TIMP1: variants seen among roughly 807,000 people sequenced by gnomAD.
The protein encoded by TIMP1 is metalloproteinase inhibitor 1.
A neutral mutation model predicts 13.7 loss-of-function variants in TIMP1; 5 were observed. The ratio of observed to expected loss-of-function variants is 0.36; its 90% CI spans 0.19 to 0.76. The LOEUF (loss-of-function observed/expected upper bound fraction) is 0.76. Ranked by LOEUF, TIMP1 falls within the 30% of genes least tolerant of loss-of-function variation. The pLI is 0.51. For synonymous variants in TIMP1, 63 were observed against 67.1 expected, an observed-to-expected ratio of 0.94 and a Z score of 0.30; for missense variants, 131 against 168.4, an observed-to-expected ratio of 0.78 and a Z score of 1.23.
intron 2 of TIMP1, 102 bp downstream of exon 2, chrX:47,583,638 C>A: frequency 1.1e-6 from 1 of 941,128 alleles, no homozygotes; most frequent in Non-Finnish European, 1.4e-6. Flanking sequence ...TCCACTCGCC[C>A]CTGCACTTCC....
In TIMP1 at chrX:47,586,711, C is replaced by G. The variant is rs749859190; in HGVS notation, c.*20C>G. 9.1e-6 allele frequency: 11 copies of G among 1,202,696 alleles called. No individual in the cohort carries two copies. In the East Asian group the frequency reaches 3.0e-4, roughly 32 times the overall value. ...GCCTGAATCCTGCCCGGAGTGGAAG[C>G]TGAAGCCTGCACAGTGTCCACCCTG... is the stretch of plus-strand genomic sequence containing the variant. On this transcript the variant is annotated 3_prime_UTR_variant, in exon 6 of 6. Coordinates refer to ENST00000218388, the MANE Select transcript of TIMP1 (RefSeq NM_003254.3).
At chrX:47,584,504 C>T (rs2057814442) in intron 2 of TIMP1, among the ~76,000 whole-genome samples, 1 of 111,796 alleles carries the variant, frequency 8.9e-6, no homozygotes, top group Admixed American at 9.4e-5. Flanking sequence ...TTTGTCAGCC[C>T]CTTACCCAGG....
intron 5 of TIMP1, chrX:47,586,318 G>T (rs187806973): frequency 1.3e-6 from 1 of 752,727 alleles, no homozygotes; most frequent in Admixed American, 8.8e-5. Flanking sequence ...ACCATTCCAG[G>T]ACACTGATTT....
In TIMP1 at chrX:47,585,341, C is replaced by T. The variant is rs1294615198; in HGVS notation, c.328+10C>T. 7.4e-6 allele frequency: 9 copies of T among 1,209,627 alleles called. No homozygotes were observed. The highest frequency in any genetic ancestry group is 1.8e-5 in the South Asian group (1 of 56,705). ...GAGTTTCTCATTGCTGGTGAGGCAC[C>T]GTCCCCGCGCCCTGTGCCACACCAA... On this transcript the variant is annotated intron_variant, in intron 4 of 5. Transcript: ENST00000218388.
intron 1 of TIMP1, 179 bp downstream of exon 1, chrX:47,582,653 C>T: frequency 3.1e-6 from 1 of 323,024 alleles, no homozygotes; most frequent in South Asian, 2.8e-5. Context: ...CTTTCCCAAC[C>T]CCGAGGCTCC....
intron 5 of TIMP1, 171 bp from the exon 6 acceptor site, chrX:47,586,350 A>G: frequency 4.0e-6 from 3 of 753,015 alleles, no homozygotes; most frequent in African/African-American, 2.3e-5. Context: ...GTTACCTTTC[A>G]GGACCCAGTG....
At position 47,585,132 on chromosome X, in the gene TIMP1, A is replaced by C. The variant is rs922059685; in HGVS notation, c.202-73A>C. The C allele has an allele frequency of 5.1e-6, 6 of 1,166,016 alleles. No homozygotes were observed. The Admixed American group carries it at 1.4e-4, about 28-fold the overall frequency. ...GTTGGCTGTGATCTTGGGATGCTAT[A>C]TGACTTCAGGGAAGAACCTGGAGTG... On this transcript the variant is annotated intron_variant, in intron 3 of 5. Coordinates refer to ENST00000218388, the MANE Select transcript of TIMP1 (RefSeq NM_003254.3).
chrX:47,585,790 G>T (rs1212180819), intron 5 of TIMP1, 123 bp downstream of exon 5: 1 of 1,158,159 alleles, frequency 8.6e-7, no homozygotes, highest in Non-Finnish European at 1.1e-6. Context: ...CAACCCTAAG[G>T]GCTGTCCCTG....
At chrX:47,584,319 T>C (rs1376284119) in intron 2 of TIMP1, among the ~76,000 whole-genome samples, 2 of 111,169 alleles carry the variant, frequency 1.8e-5, no homozygotes, top group African/African-American at 3.3e-5. Context: ...AGATTGAGGA[T>C]GATCAGGTAT....
intron 2 of TIMP1, 126 bp from the exon 3 acceptor site, chrX:47,584,810 C>T: frequency 1.9e-6 from 1 of 528,121 alleles, no homozygotes; most frequent in Non-Finnish European, 3.1e-6. Context: ...ACTTTGTGTG[C>T]TGTCTGGCAT....
rs776020775 is a variant in TIMP1, at chrX:47,585,676, C to G, written c.453+9C>G. 6.6e-6 allele frequency: 8 copies of G among 1,206,899 alleles called. No individual in the cohort carries two copies. The highest frequency in any genetic ancestry group is 1.8e-5 in the African/African-American group (1 of 57,028). On this transcript the variant is annotated intron_variant, in intron 5 of 5. Coordinates refer to ENST00000218388, the MANE Select transcript of TIMP1 (RefSeq NM_003254.3). ...GCTGTGAGGAATGCACAGTGAGTGC[C>G]TGGACCCTGACCTCCAACGGGAGAT...
At chrX:47,584,627 T>A (rs1569325502) in intron 2 of TIMP1, among the ~76,000 whole-genome samples, 1 of 112,336 alleles carries the variant, frequency 8.9e-6, no homozygotes, top group Admixed American at 9.4e-5. Context: ...GGGATTTCTG[T>A]GTTTTGTTCA....
At chrX:47,584,744 C>T (rs936809263) in intron 2 of TIMP1, among the ~76,000 whole-genome samples, 192 bp from the exon 3 acceptor site, 3 of 111,697 alleles carry the variant, frequency 2.7e-5, no homozygotes, top group African/African-American at 9.8e-5. Flanking sequence ...TTAAGCAGTG[C>T]CCGGCAAAGA....
intron 5 of TIMP1, chrX:47,585,898 C>T (rs1402953877): frequency 3.5e-6 from 4 of 1,127,558 alleles, no homozygotes; most frequent in Non-Finnish European, 4.7e-6. Context: ...CCTGTCCCTC[C>T]CTGGTCCCTC....
In TIMP1 at chrX:47,585,471, G is replaced by A. The variant is rs746960391; in HGVS notation, c.329-72G>A. 5.8e-5 allele frequency: 69 copies of A among 1,190,366 alleles called. No individual in the cohort carries two copies. In the African/African-American group the frequency reaches 8.2e-4, roughly 14 times the overall value. Reference sequence around the variant, plus strand: ...CCCAATTTCAGTCTATCAGAAGGCCGGGCCTTTGGCAGCTTGGCAGCTCAG... The same window carrying A: ...CCCAATTTCAGTCTATCAGAAGGCCAGGCCTTTGGCAGCTTGGCAGCTCAG... On this transcript the variant is annotated intron_variant, in intron 4 of 5. Coordinates refer to ENST00000218388, the MANE Select transcript of TIMP1 (RefSeq NM_003254.3).
chrX:47,586,396 T>TGTACTTAGGTGGGGTGA (rs780063908), intron 5 of TIMP1, 125 bp from the exon 6 acceptor site: 1 of 1,097,287 alleles, frequency 9.1e-7, no homozygotes, highest in East Asian at 3.1e-5. Context: ...TCCTGGGGTA[T>TGTACTTAGGTGGGGTGA]GTACTTAGGT....
chrX:47,585,380 C>T lies in TIMP1; in HGVS notation c.328+49C>T, dbSNP rs1396542894. ...GTGCCACACCAACCAGTCCCTGGGG[C>T]GCGGCCTAGCAACCACGAGGGGGCG... On this transcript the variant is annotated intron_variant, in intron 4 of 5. Transcript: ENST00000218388. 5 of 1,204,853 alleles carry T rather than the reference C, an allele frequency of 4.1e-6. No individual in the cohort carries two copies. The African/African-American group carries it at 7.0e-5, about 17-fold the overall frequency.
At position 47,585,269 on chromosome X, in the gene TIMP1, T is replaced by C. The variant is rs2057818580; in HGVS notation, c.266T>C (p.Met89Thr). The change falls in exon 4 of 6, where the codon ATG becomes ACG. Residue 89 changes from methionine to threonine, a missense_variant. Met to Thr is a moderately conservative substitution (Grantham distance 81). Transcript: ENST00000218388. ...ATCCGGTTCGTCTACACCCCCGCCA[T>C]GGAGAGTGTCTGCGGATACTTCCAC... ...ADIRFVYTPA[M>T]ESVCGYFHRS... is the part of the protein sequence containing the mutation. The C allele has an allele frequency of 8.3e-7, 1 of 1,208,555 alleles. No individual in the cohort carries two copies. Among genetic ancestry groups the C allele is most frequent in the Non-Finnish European group, 1.1e-6 (1 of 894,143 alleles).
intron 1 of TIMP1, among the ~76,000 whole-genome samples, chrX:47,583,076 T>G: frequency 1.4e-5 from 1 of 72,212 alleles, no homozygotes; most frequent in African/African-American, 5.6e-5. Flanking sequence ...CAATCCCAAA[T>G]TCCTCACCCC....
Sources: allele counts gnomAD v4.1 joint callset (sites outside exome capture counted in the v4.1 genomes callset), GRCh38; gene constraint gnomAD v4.1.1; transcripts MANE v1.5; gene names NCBI Gene and HGNC (gene_info 2026-07-23, HGNC 2026-07-21).